PARG: variants seen among roughly 807,000 people sequenced by gnomAD.
PARG encodes mitochondrial poly(ADP-ribose) glycohydrolase.
Under a neutral mutation model 113.0 loss-of-function variants are expected in PARG, and 35 were observed. The ratio of observed to expected loss-of-function variants is 0.31; its 90% CI spans 0.24 to 0.41. The LOEUF (loss-of-function observed/expected upper bound fraction) is 0.41, where lower values mean the gene tolerates loss of function less well. Ranked by LOEUF, PARG falls within the 10% of genes least tolerant of loss-of-function variation. The pLI, the probability that PARG is intolerant of heterozygous loss-of-function variation, is 1.00. For synonymous variants in PARG, 330 were observed against 409.9 expected (o/e 0.81, Z 2.36); for missense variants, 797 against 1,169.4 (o/e 0.68, Z 4.64).
chr10:49,914,968 T>C (rs1205776031), intron 7 of PARG, among the ~76,000 whole-genome samples: 9 of 152,086 alleles, frequency 5.9e-5, no homozygotes, highest in African/African-American at 1.9e-4. Flanking sequence ...AATAATAAAA[T>C]TGGACTTCTA....
chr10:49,932,202 C>T lies in PARG; in HGVS notation c.1353G>A (p.Lys451=). Residue 451 remains lysine (K), a synonymous_variant, in exon 4 of 18, where the codon AAG becomes AAA. Coordinates refer to ENST00000616448, the MANE Select transcript of PARG (RefSeq NM_003631.5). Reference sequence around the variant, plus strand: ...CCTCAATGGGAGTTCCAAGCCACTTCTTATCTGGAGAAAGGTGAGGTGGAA... The same window carrying T: ...CCTCAATGGGAGTTCCAAGCCACTTTTTATCTGGAGAAAGGTGAGGTGGAA... ...KYVPPHLSPD[K]KWLGTPIEEM... 1 of 1,602,406 alleles carries T rather than the reference C, an allele frequency of 6.2e-7. No individual in the cohort carries two copies. Among genetic ancestry groups the T allele is most frequent in the South Asian group, 1.1e-5 (1 of 90,842 alleles).
intron 3 of PARG, 141 bp from the exon 4 acceptor site, chr10:49,932,424 C>G: frequency 1.6e-6 from 1 of 631,400 alleles, no homozygotes; most frequent in Non-Finnish European, 2.9e-6. Flanking sequence ...ATTATATTTA[C>G]AATCAAAAGA....
At position 49,883,413 on chromosome 10, in the gene PARG, G is replaced by A. The variant is rs371671446; in HGVS notation, c.1830+1790C>T. Among the ~76,000 whole-genome samples, 24 of 149,654 alleles carry A rather than the reference G, an allele frequency of 1.6e-4. No homozygotes were observed. The East Asian group carries it at 2.2e-3, about 13-fold the overall frequency. On this transcript the variant is annotated intron_variant, in intron 8 of 17. Coordinates refer to ENST00000616448, the MANE Select transcript of PARG (RefSeq NM_003631.5). ...AAAAGACAAAGGCAAATTCAAGCAC[G>A]GTTGTGAGAAACACAGGAATAAAAT...
At chr10:49,887,132 C>T (rs1382408579) in intron 7 of PARG, among the ~76,000 whole-genome samples, 10 of 151,724 alleles carry the variant, frequency 6.6e-5, no homozygotes, top group African/African-American at 2.4e-4. Context: ...TCACTGTAAC[C>T]TTGAACTCCT....
intron 13 of PARG, among the ~76,000 whole-genome samples, chr10:49,850,263 G>C (rs1315599271): frequency 7.1e-6 from 1 of 140,842 alleles, no homozygotes. Flanking sequence ...ATTAGGAAAC[G>C]TGAGAAACTC....
rs1404307627 is a variant in PARG at position 49,858,365 on chromosome 10, ACACAC to A, written c.2206-917_2206-913del. On this transcript the variant is annotated intron_variant, in intron 12 of 17. Coordinates refer to ENST00000616448, the MANE Select transcript of PARG (RefSeq NM_003631.5). Reference sequence around the variant, plus strand: ...CACACACACACACACACACACACACACACACAACTTGTGTATATACATAGTCATAC... The same window carrying A: ...CACACACACACACACACACACACACAAACTTGTGTATATACATAGTCATAC... Among the ~76,000 whole-genome samples the A allele has an allele frequency of 8.6e-3, 1,246 of 145,572 alleles. 18 individuals are homozygous for A. The highest frequency in any genetic ancestry group is 0.031 in the African/African-American group (1,160 of 37,828).
At chr10:49,829,243 A>T (rs1182978456) in intron 16 of PARG, among the ~76,000 whole-genome samples, 4 of 152,188 alleles carry the variant, frequency 2.6e-5, no homozygotes, top group African/African-American at 4.8e-5. Context: ...CTCAAAATAA[A>T]AAAAAAAAAA....
chr10:49,829,644 T>C (rs868953628), intron 16 of PARG, among the ~76,000 whole-genome samples: 29 of 151,854 alleles, frequency 1.9e-4, no homozygotes, highest in Admixed American at 7.2e-4. Flanking sequence ...AAATAAAAAA[T>C]GAAAAAACCC....
chr10:49,874,731 G>A (rs1389268088), intron 9 of PARG, among the ~76,000 whole-genome samples: 1 of 150,170 alleles, frequency 6.7e-6, no homozygotes, highest in Non-Finnish European at 1.5e-5. Context: ...GTGGGTGCCT[G>A]TAGTCCCAGC....
intron 7 of PARG, among the ~76,000 whole-genome samples, chr10:49,887,374 A>G (rs1847547129): frequency 6.6e-6 from 1 of 152,176 alleles, no homozygotes; most frequent in African/African-American, 2.4e-5. Flanking sequence ...TATCACACGT[A>G]CATTTCTGTA....
intron 1 of PARG, among the ~76,000 whole-genome samples, chr10:49,935,567 C>T (rs1380315766): frequency 2.0e-5 from 3 of 152,168 alleles, no homozygotes; most frequent in African/African-American, 7.2e-5. Flanking sequence ...CTGGTTTACG[C>T]TTAGTAAATG....
At chr10:49,827,320 A>G (rs1844408561) in intron 16 of PARG, among the ~76,000 whole-genome samples, 1 of 152,264 alleles carries the variant, frequency 6.6e-6, no homozygotes, top group Non-Finnish European at 1.5e-5. Flanking sequence ...TAGGTACTGA[A>G]GGTAGGGAAT....
At chr10:49,859,229 G>A (rs1846139669) in intron 12 of PARG, among the ~76,000 whole-genome samples, 2 of 143,068 alleles carry the variant, frequency 1.4e-5, no homozygotes, top group Admixed American at 6.9e-5. Context: ...GTGTAGAGTA[G>A]GTGGAGGCTT....
At chr10:49,843,842 T>C (rs1449533019) in intron 13 of PARG, among the ~76,000 whole-genome samples, 1 of 152,344 alleles carries the variant, frequency 6.6e-6, no homozygotes, top group East Asian at 1.9e-4. Context: ...CTTGTTTACA[T>C]AGCAAATCCT....
At chr10:49,907,907 A>G (rs1390408666) in intron 7 of PARG, among the ~76,000 whole-genome samples, 1 of 152,190 alleles carries the variant, frequency 6.6e-6, no homozygotes, top group Non-Finnish European at 1.5e-5. Flanking sequence ...GCAACATTTA[A>G]AAGGAATAAC....
intron 7 of PARG, chr10:49,909,471 A>G (rs1487939409): frequency 2.0e-5 from 3 of 152,228 alleles, no homozygotes; most frequent in African/African-American, 7.2e-5. Context: ...TTTTAGCTAA[A>G]CACAGGTATA....
chr10:49,918,574 T>C lies in PARG; in HGVS notation c.1663-2583A>G, dbSNP rs1213708701. Among the ~76,000 whole-genome samples the C allele has an allele frequency of 7.9e-5, 12 of 152,250 alleles. No homozygotes were observed. The South Asian group carries it at 2.5e-3, about 32-fold the overall frequency. On this transcript the variant is annotated intron_variant, in intron 6 of 17. Transcript: ENST00000616448. ...TGCAAATTATCACACACATTATTTA[T>C]ATAAGTACTACTGTGTAAATCAACT... is the stretch of plus-strand genomic sequence containing the variant.
chr10:49,849,057 T>C (rs1160489697), intron 13 of PARG, among the ~76,000 whole-genome samples: 1 of 152,220 alleles, frequency 6.6e-6, no homozygotes, highest in Non-Finnish European at 1.5e-5. Context: ...TAGCCAGGCA[T>C]GGTGGCACAT....
At chr10:49,859,836 T>C (rs1846172516) in intron 12 of PARG, among the ~76,000 whole-genome samples, 1 of 152,162 alleles carries the variant, frequency 6.6e-6, no homozygotes, top group African/African-American at 2.4e-5. Context: ...TTTTACTACT[T>C]AAAAAAGTTC....
Sources: gnomAD v4.1 joint callset for allele counts (sites outside exome capture counted in the v4.1 genomes callset) on GRCh38, gnomAD v4.1.1 for gene constraint, MANE v1.5 for transcripts, NCBI Gene and HGNC (gene_info 2026-07-23, HGNC 2026-07-21) for gene names.